Variants in GSDMB observed in about 807,000 individuals in gnomAD.
GSDMB encodes gasdermin B.
In GSDMB, 32 loss-of-function variants were observed where a neutral mutation model predicts 42.9. The observed-to-expected ratio is 0.75, with a 90% CI of 0.56 to 1.00. The LOEUF (loss-of-function observed/expected upper bound fraction) is 1.00. GSDMB is among the 50% of genes least tolerant of loss of function. The pLI, the probability that GSDMB is intolerant of heterozygous loss-of-function variation, is 0.00. For missense variants in GSDMB, 468 were observed against 498.5 expected (o/e 0.94, Z 0.58); for synonymous variants, 175 against 193.7 (o/e 0.90, Z 0.80).
Position 39,909,903 on chromosome 17 carries a change from G to C in GSDMB, c.429C>G (p.Pro143=). The change falls in exon 4 of 11, where the codon CCC becomes CCG. Residue 143 remains proline (P), a synonymous_variant. Transcript: ENST00000418519. ...LENRKLKREL[P]FSFRSINTRE... ...TCGTATTAATTGATCGGAATGAAAA[G>C]GGTAGTTCCCTCTTCAGCTTCCTGG... is the stretch of plus-strand genomic sequence containing the variant. 1 of 1,613,758 alleles carries C rather than the reference G, an allele frequency of 6.2e-7. No homozygotes were observed. Among genetic ancestry groups the C allele is most frequent in the Non-Finnish European group, 8.5e-7 (1 of 1,179,724 alleles).
intron 4 of GSDMB, 48 bp downstream of exon 4, chr17:39,909,708 T>C (rs1598276095): frequency 1.3e-6 from 2 of 1,526,242 alleles, no homozygotes; most frequent in South Asian, 1.1e-5. Context: ...ACCTGCGGGG[T>C]GTGGGCCAAC....
Position 39,912,509 on chromosome 17 carries a change from A to G in GSDMB, c.236-12T>C, listed in dbSNP as rs761235759. ...CTCAGCCTTTTGACCTGGAAAGAGAATGATAAAGGTCACTCTGGAGCAGAC... is the reference window on the plus strand; with the variant it reads ...CTCAGCCTTTTGACCTGGAAAGAGAGTGATAAAGGTCACTCTGGAGCAGAC... On this transcript the variant is annotated splice_polypyrimidine_tract_variant and intron_variant, in intron 2 of 10. Coordinates refer to ENST00000418519, the MANE Select transcript of GSDMB (RefSeq NM_001165958.2). The G allele has an allele frequency of 4.4e-6, 7 of 1,603,728 alleles. No individual in the cohort carries two copies. The East Asian group carries it at 1.3e-4, about 31-fold the overall frequency.
chr17:39,912,187 C>T (rs1490870519), intron 3 of GSDMB, 139 bp downstream of exon 3: 2 of 631,834 alleles, frequency 3.2e-6, no homozygotes, highest in South Asian at 4.5e-5. Context: ...GCCAGTCCCC[C>T]ACAAAGCTCA....
intron 2 of GSDMB, among the ~76,000 whole-genome samples, chr17:39,916,480 C>T (rs1024673304): frequency 2.7e-4 from 41 of 150,960 alleles, no homozygotes; most frequent in South Asian, 1.7e-3. Flanking sequence ...TAAGCAGAGA[C>T]GGGGTTTCAC....
intron 2 of GSDMB, among the ~76,000 whole-genome samples, chr17:39,914,761 CAA>C (rs71152627): frequency 5.5e-5 from 5 of 91,006 alleles, no homozygotes; most frequent in Admixed American, 1.4e-4. Context: ...CACTCCATCT[CAA>C]AAAAAAAAAA....
At position 39,908,924 on chromosome 17, in the gene GSDMB, C is replaced by A. The variant is rs186360049; in HGVS notation, c.661+34G>T. The stretch of plus-strand genomic sequence containing the variant: ...CCCCACCTCACTGGTGTGTTTAGGG[C>A]CCCCCATCCTGTTCTCCATCTGCCT... On this transcript the variant is annotated intron_variant, in intron 5 of 10. Coordinates refer to ENST00000418519, the MANE Select transcript of GSDMB (RefSeq NM_001165958.2). 8.4e-4 allele frequency: 1,113 copies of A among 1,331,016 alleles called. 2 individuals are homozygous for A. The highest frequency in any genetic ancestry group is 1.1e-3 in the Non-Finnish European group (1,024 of 927,462). 82.5% of individuals were successfully genotyped at this position (1,331,016 alleles called of 1,614,324 possible).
chr17:39,909,310 C>T, intron 4 of GSDMB: 1 of 463,672 alleles, frequency 2.2e-6, no homozygotes, highest in Non-Finnish European at 3.8e-6. Context: ...TTGTTCTAGG[C>T]ACCATGGCTC....
chr17:39,906,132 A>G lies in GSDMB; in HGVS notation c.867T>C (p.Ile289=). The change falls in exon 8 of 11, where the codon ATT becomes ATC. Residue 289 remains isoleucine, a synonymous_variant. Transcript: ENST00000418519. The stretch of plus-strand genomic sequence containing the variant: ...TTACTCTTTGCTCTAGATCCTGCCG[A>G]ATATCCTCCTTGCCGAGGCACTTAG... ...SLAKCLGKED[I]RQDLEQRVSE... 6.2e-7 allele frequency: 1 copy of G among 1,614,156 alleles called. No homozygotes were observed. The highest frequency in any genetic ancestry group is 2.2e-5 in the East Asian group (1 of 44,872).
intron 2 of GSDMB, among the ~76,000 whole-genome samples, chr17:39,914,761 C>A (rs1169809898): frequency 4.4e-3 from 399 of 90,846 alleles, no homozygotes; most frequent in Middle Eastern, 8.1e-3. Context: ...CACTCCATCT[C>A]AAAAAAAAAA....
chr17:39,906,908 A>C (rs372344639), intron 7 of GSDMB, 53 bp downstream of exon 7: 2 of 1,612,168 alleles, frequency 1.2e-6, no homozygotes, highest in African/African-American at 1.3e-5. Context: ...AGCCACATGG[A>C]CTCAGGGTGG....
chr17:39,906,357 G>T, intron 7 of GSDMB, 86 bp from the exon 8 acceptor site: 1 of 1,283,536 alleles, frequency 7.8e-7, no homozygotes, highest in South Asian at 1.4e-5. Context: ...ACTGTCTTCT[G>T]GAGACCACCT....
intron 5 of GSDMB, 115 bp from the exon 6 acceptor site, chr17:39,908,329 A>C: frequency 4.6e-6 from 2 of 438,552 alleles, no homozygotes; most frequent in Non-Finnish European, 8.5e-6. Flanking sequence ...CCAATCAAAA[A>C]AAAAAAAAAA....
intron 8 of GSDMB, 41 bp from the exon 9 acceptor site, chr17:39,906,026 A>G: frequency 1.2e-6 from 2 of 1,611,634 alleles, no homozygotes; most frequent in Non-Finnish European, 1.7e-6. Flanking sequence ...CAGTCTCACC[A>G]TAGCAGATTA....
chr17:39,906,089 A>C lies in GSDMB; in HGVS notation c.888+22T>G, dbSNP rs566688667. 5.0e-6 allele frequency: 8 copies of C among 1,613,628 alleles called. No homozygotes were observed. In the African/African-American group the frequency reaches 1.1e-4, roughly 22 times the overall value. ...CTGGCTCCTATCTCTCTCTGCCCCA[A>C]GGCTTTCTTAGGGTCCCTTACTCTT... On this transcript the variant is annotated intron_variant, in intron 8 of 10. Coordinates refer to ENST00000418519, the MANE Select transcript of GSDMB (RefSeq NM_001165958.2).
At chr17:39,909,149 T>C in intron 4 of GSDMB, 107 bp from the exon 5 acceptor site, 1 of 678,050 alleles carries the variant, frequency 1.5e-6, no homozygotes, top group East Asian at 2.9e-5. Context: ...CCCCATTTTA[T>C]AGACGAGAAA....
In GSDMB at chr17:39,917,184, T is replaced by C; in HGVS notation, c.133A>G (p.Thr45Ala). ...GTGTAGTGCCGGCATCCAAAGAAAG[T>C]TCTCTTCTCCCCCACCAGATGGAAG... ...RCFHLVGEKRTFFGCRHYTTG... is the reference protein window; with the variant it reads ...RCFHLVGEKRAFFGCRHYTTG... The change falls in exon 2 of 11, where the codon ACT (threonine) becomes GCT (alanine). Residue 45 changes from threonine to alanine, a missense_variant. Coordinates refer to ENST00000418519, the MANE Select transcript of GSDMB (RefSeq NM_001165958.2). 6.2e-7 allele frequency: 1 copy of C among 1,614,074 alleles called. No individual in the cohort carries two copies. The highest frequency in any genetic ancestry group is 2.2e-5 in the East Asian group (1 of 44,888).
At chr17:39,915,121 G>A (rs2063686148) in intron 2 of GSDMB, among the ~76,000 whole-genome samples, 1 of 152,190 alleles carries the variant, frequency 6.6e-6, no homozygotes, top group South Asian at 2.1e-4. Flanking sequence ...ACAGGCATGC[G>A]CCATCATGCC....
chr17:39,906,186 C>T lies in GSDMB; in HGVS notation c.813G>A (p.Glu271=). 6.2e-7 allele frequency: 1 copy of T among 1,614,120 alleles called. No homozygotes were observed. Among genetic ancestry groups the T allele is most frequent in the Non-Finnish European group, 8.5e-7 (1 of 1,179,952 alleles). ...GGGAGTTTAGCACATCTTTTCTCTT[C>T]TCCTCTGTCAGGTCCTTGAGGACAC... ...MESVLKDLTE[E]KRKDVLNSLA... Residue 271 remains glutamate (E), a synonymous_variant, in exon 8 of 11, where the codon GAG becomes GAA. Coordinates refer to ENST00000418519, the MANE Select transcript of GSDMB (RefSeq NM_001165958.2).
At chr17:39,911,857 G>C (rs577213002) in intron 3 of GSDMB, among the ~76,000 whole-genome samples, 15 of 152,150 alleles carry the variant, frequency 9.9e-5, no homozygotes, top group African/African-American at 2.2e-4. Context: ...TAAACCACCA[G>C]GTTTGGAGGT....
Sources: allele counts gnomAD v4.1 joint callset (sites outside exome capture counted in the v4.1 genomes callset), GRCh38; gene constraint gnomAD v4.1.1; transcripts MANE v1.5; gene names NCBI Gene and HGNC (gene_info 2026-07-23, HGNC 2026-07-21).